SIL1: variants seen among roughly 807,000 people sequenced by gnomAD.
SIL1 encodes nucleotide exchange factor SIL1.
Under a neutral mutation model 49.1 loss-of-function variants are expected in SIL1, and 40 were observed. The observed-to-expected ratio is 0.81, with a 90% confidence interval of 0.63 to 1.06. The LOEUF is 1.06. SIL1 is among the 50% of genes least tolerant of loss of function. SIL1 has a pLI of 0.00. For missense variants in SIL1, 500 were observed against 572.6 expected (o/e 0.87, Z 1.29); for synonymous variants, 253 against 250.8 (o/e 1.01, Z -0.08).
At chr5:139,021,542 G>T (rs759587690) in intron 6 of SIL1, among the ~76,000 whole-genome samples, 1 of 152,188 alleles carries the variant, frequency 6.6e-6, no homozygotes, top group African/African-American at 2.4e-5. Context: ...CCTAGCTATT[G>T]CTTATGCCAA....
intron 1 of SIL1, among the ~76,000 whole-genome samples, chr5:139,161,100 G>A (rs1000318988): frequency 2.0e-5 from 3 of 152,040 alleles, no homozygotes; most frequent in African/African-American, 4.8e-5. Flanking sequence ...AAAATTAGCT[G>A]GGCATGGTGG....
chr5:139,077,697 C>T (rs567609592), intron 3 of SIL1, among the ~76,000 whole-genome samples: 1 of 152,176 alleles, frequency 6.6e-6, no homozygotes, highest in Non-Finnish European at 1.5e-5. Context: ...CAGTTCCACA[C>T]AGAGGCACCA....
intron 7 of SIL1, among the ~76,000 whole-genome samples, chr5:138,979,033 T>G (rs181567965): frequency 2.6e-5 from 4 of 152,292 alleles, no homozygotes; most frequent in African/African-American, 4.8e-5. Flanking sequence ...GATGGTATCC[T>G]TTGAAGCACA....
At chr5:139,041,194 G>A (rs1014772405) in intron 5 of SIL1, among the ~76,000 whole-genome samples, 4 of 152,124 alleles carry the variant, frequency 2.6e-5, no homozygotes, top group East Asian at 1.9e-4. Flanking sequence ...ACACAATTGC[G>A]AGCATTGCCT....
At chr5:139,047,246 C>A (rs1262410860) in intron 4 of SIL1, among the ~76,000 whole-genome samples, 2 of 152,182 alleles carry the variant, frequency 1.3e-5, no homozygotes, top group Admixed American at 6.5e-5. Context: ...GGGATATGGA[C>A]TAAAACCACT....
chr5:139,145,895 T>TA (rs1332895839), intron 1 of SIL1, among the ~76,000 whole-genome samples: 1 of 150,162 alleles, frequency 6.7e-6, no homozygotes, highest in African/African-American at 2.5e-5. Context: ...CTCTATCTCT[T>TA]AAAAAATAAA....
chr5:138,965,156 C>A (rs1364122877), intron 7 of SIL1, among the ~76,000 whole-genome samples: 3 of 152,184 alleles, frequency 2.0e-5, no homozygotes, highest in Non-Finnish European at 4.4e-5. Context: ...CCTTTTCTGG[C>A]CTTGCTTGTC....
At chr5:138,953,127 G>A (rs529511487) in intron 7 of SIL1, among the ~76,000 whole-genome samples, 3 of 152,234 alleles carry the variant, frequency 2.0e-5, no homozygotes, top group Admixed American at 6.5e-5. Flanking sequence ...CAAAGCCACC[G>A]CATGCCTCTG....
chr5:138,972,968 G>C (rs1767313988), intron 7 of SIL1, among the ~76,000 whole-genome samples: 1 of 152,124 alleles, frequency 6.6e-6, no homozygotes, highest in Non-Finnish European at 1.5e-5. Flanking sequence ...CCCAGTGATG[G>C]GGGTAGAGAA....
At chr5:139,001,072 CTG>C (rs1446753672) in intron 7 of SIL1, among the ~76,000 whole-genome samples, 2 of 151,792 alleles carry the variant, frequency 1.3e-5, no homozygotes, top group African/African-American at 2.4e-5. Context: ...TTCCAATTGT[CTG>C]TGTGTGTGGG....
At chr5:138,957,657 A>G (rs1044216831) in intron 7 of SIL1, among the ~76,000 whole-genome samples, 1 of 152,160 alleles carries the variant, frequency 6.6e-6, no homozygotes, top group East Asian at 1.9e-4. Flanking sequence ...AGATTCACCA[A>G]TTGTGGACAT....
chr5:139,105,589 C>T (rs1376856444), intron 3 of SIL1, among the ~76,000 whole-genome samples: 1 of 152,170 alleles, frequency 6.6e-6, no homozygotes, highest in Non-Finnish European at 1.5e-5. Context: ...AGTTATATAC[C>T]CTTAGAAAGC....
rs567186877 is a variant in SIL1 at position 139,037,129 on chromosome 5, T to C, written c.453+5491A>G. On this transcript the variant is annotated intron_variant, in intron 5 of 9. Coordinates refer to ENST00000394817, the MANE Select transcript of SIL1 (RefSeq NM_022464.5). ...TATAAAATTCTGTGTGGACAGTTCATTTTTTCCCCCAGCAATTGAAAAATA... is the reference window on the plus strand; with the variant it reads ...TATAAAATTCTGTGTGGACAGTTCACTTTTTCCCCCAGCAATTGAAAAATA... 2.7e-5 allele frequency among the ~76,000 whole-genome samples: 4 copies of C among 147,972 alleles called. No homozygotes were observed. The East Asian group carries it at 7.7e-4, about 29-fold the overall frequency.
At chr5:138,949,715 G>A (rs1168961016) in intron 9 of SIL1, among the ~76,000 whole-genome samples, 3 of 150,824 alleles carry the variant, frequency 2.0e-5, no homozygotes, top group East Asian at 3.9e-4. Flanking sequence ...GGGGGCTGAG[G>A]TGGGAGGATC....
At chr5:139,033,425 G>A (rs963270411) in intron 5 of SIL1, among the ~76,000 whole-genome samples, 2 of 151,100 alleles carry the variant, frequency 1.3e-5, no homozygotes, top group African/African-American at 4.9e-5. Flanking sequence ...AGCTTGTTTC[G>A]ATCATCTTTT....
At chr5:139,044,935 C>T (rs1263655780) in intron 4 of SIL1, among the ~76,000 whole-genome samples, 1 of 152,152 alleles carries the variant, frequency 6.6e-6, no homozygotes, top group African/African-American at 2.4e-5. Flanking sequence ...GGATTCTGTC[C>T]TCACAACTGT....
intron 5 of SIL1, among the ~76,000 whole-genome samples, chr5:139,034,113 C>G (rs1379119486): frequency 6.6e-6 from 1 of 152,042 alleles, no homozygotes; most frequent in Non-Finnish European, 1.5e-5. Flanking sequence ...CTAAAGTCAA[C>G]TTTGATATTA....
At chr5:139,127,911 C>G (rs1380927293) in intron 1 of SIL1, 58 bp from the exon 2 acceptor site, 2 of 1,088,104 alleles carry the variant, frequency 1.8e-6, no homozygotes, top group African/African-American at 1.6e-5. Flanking sequence ...TTGGTTCCCC[C>G]GCACTGTGAT....
At chr5:139,068,637 T>C (rs1255558807) in intron 3 of SIL1, among the ~76,000 whole-genome samples, 7 of 140,968 alleles carry the variant, frequency 5.0e-5, no homozygotes, top group Admixed American at 1.4e-4. Flanking sequence ...TTTCTCAAGC[T>C]TGACTCAGAA....
Sources: allele counts gnomAD v4.1 joint callset (sites outside exome capture counted in the v4.1 genomes callset), GRCh38; gene constraint gnomAD v4.1.1; transcripts MANE v1.5; gene names NCBI Gene and HGNC (gene_info 2026-07-23, HGNC 2026-07-21).